SIPA1L1: variants seen among roughly 807,000 people sequenced by gnomAD.
SIPA1L1 encodes the protein signal-induced proliferation-associated 1-like protein 1.
Under a neutral mutation model 162.7 loss-of-function variants are expected in SIPA1L1, and 26 were observed. The ratio of observed to expected loss-of-function variants is 0.16; its 90% CI spans 0.12 to 0.22. SIPA1L1 has a LOEUF of 0.22. Among genes scored for constraint, SIPA1L1 ranks in the 10% least tolerant of loss-of-function variants. SIPA1L1 has a pLI of 1.00. For synonymous variants in SIPA1L1, 829 were observed against 837.4 expected, an observed-to-expected ratio of 0.99 and a Z score of 0.17; for missense variants, 1,874 against 2,241.0, an observed-to-expected ratio of 0.84 and a Z score of 3.31.
At chr14:71,410,632 A>G (rs1055937070) in intron 2 of SIPA1L1, among the ~76,000 whole-genome samples, 4 of 152,314 alleles carry the variant, frequency 2.6e-5, no homozygotes, top group Admixed American at 2.0e-4. Context: ...TCCTTTGAGC[A>G]CTAAAAGTCA....
intron 13 of SIPA1L1, among the ~76,000 whole-genome samples, chr14:71,691,407 C>T (rs1369753994): frequency 6.6e-6 from 1 of 152,034 alleles, no homozygotes; most frequent in Non-Finnish European, 1.5e-5. Flanking sequence ...GCCTGGGCAA[C>T]ATAGTGAGAC....
At chr14:71,723,339 C>T (rs2083920181) in intron 17 of SIPA1L1, among the ~76,000 whole-genome samples, 1 of 152,210 alleles carries the variant, frequency 6.6e-6, no homozygotes. Flanking sequence ...TTGCCACTGC[C>T]AGACTTCCGT....
At chr14:71,394,827 GAGA>G (rs2141410425) in intron 2 of SIPA1L1, among the ~76,000 whole-genome samples, 1 of 152,338 alleles carries the variant, frequency 6.6e-6, no homozygotes, top group Non-Finnish European at 1.5e-5. Flanking sequence ...AAGCAGTAAG[GAGA>G]AGGATAGTTA....
chr14:71,363,542 A>T (rs1463606110), intron 2 of SIPA1L1, among the ~76,000 whole-genome samples: 1 of 152,182 alleles, frequency 6.6e-6, no homozygotes, highest in East Asian at 1.9e-4. Context: ...ATTGATCATG[A>T]GGTACTGAAT....
In SIPA1L1 at chr14:71,685,526, C is replaced by A. The variant is rs1332762128; in HGVS notation, c.3269C>A (p.Thr1090Asn). 1 of 1,614,204 alleles carries A rather than the reference C, an allele frequency of 6.2e-7. No individual in the cohort carries two copies. Among genetic ancestry groups the A allele is most frequent in the African/African-American group, 1.3e-5 (1 of 75,050 alleles). ...QVPSQVQSPM[T>N]SRLNAGKGDG... ...CCGTCCCAGGTGCAGAGTCCCATGACCTCGCGGCTGAATGCTGGAAAAGGA... is the reference window on the plus strand; with the variant it reads ...CCGTCCCAGGTGCAGAGTCCCATGAACTCGCGGCTGAATGCTGGAAAAGGA... The change falls in exon 13 of 24, where the codon ACC (threonine) becomes AAC (asparagine). Residue 1090 changes from threonine to asparagine, a missense_variant. By Grantham distance (65) the Thr-to-Asn change is moderately conservative. This residue lies in a region of SIPA1L1 where 936 missense variants were observed against 1,051.9 expected (regional missense o/e 0.89). Transcript: ENST00000381232.
chr14:71,693,661 C>T (rs1048400990), intron 13 of SIPA1L1, among the ~76,000 whole-genome samples: 6 of 151,992 alleles, frequency 3.9e-5, no homozygotes, highest in African/African-American at 1.2e-4. Flanking sequence ...CAAACTACTC[C>T]GGTTATAGCA....
intron 4 of SIPA1L1, among the ~76,000 whole-genome samples, chr14:71,530,800 T>C (rs1190587050): frequency 2.6e-5 from 4 of 152,222 alleles, no homozygotes; most frequent in Admixed American, 2.6e-4. Flanking sequence ...TCTTCCCACA[T>C]AGTGTATTGT....
chr14:71,526,350 A>G (rs928710067), intron 3 of SIPA1L1, among the ~76,000 whole-genome samples: 2 of 152,002 alleles, frequency 1.3e-5, no homozygotes, highest in Non-Finnish European at 1.5e-5. Context: ...CCCAGTCTGT[A>G]TTTTCCCCTA....
intron 7 of SIPA1L1, among the ~76,000 whole-genome samples, chr14:71,632,586 C>G (rs1450337015): frequency 6.6e-6 from 1 of 152,162 alleles, no homozygotes; most frequent in Non-Finnish European, 1.5e-5. Flanking sequence ...CTCCAGCTCC[C>G]CACTGTGTGG....
intron 2 of SIPA1L1, among the ~76,000 whole-genome samples, chr14:71,447,235 A>G (rs1453245621): frequency 1.3e-5 from 2 of 151,952 alleles, no homozygotes; most frequent in Non-Finnish European, 2.9e-5. Context: ...TTATGTTAGT[A>G]TTGTAGTGAA....
At chr14:71,645,601 C>T (rs2042087073) in intron 7 of SIPA1L1, among the ~76,000 whole-genome samples, 1 of 152,176 alleles carries the variant, frequency 6.6e-6, no homozygotes, top group Non-Finnish European at 1.5e-5. Context: ...TATTTTACTG[C>T]TTCATCAAGG....
intron 7 of SIPA1L1, among the ~76,000 whole-genome samples, chr14:71,648,026 A>G (rs991076070): frequency 6.6e-6 from 1 of 152,202 alleles, no homozygotes; most frequent in Admixed American, 6.5e-5. Context: ...ACAGTGGCTC[A>G]TGCCTGTAAT....
At chr14:71,372,767 T>G (rs1263696324) in intron 2 of SIPA1L1, among the ~76,000 whole-genome samples, 1 of 152,178 alleles carries the variant, frequency 6.6e-6, no homozygotes. Context: ...GGGGTGTCTG[T>G]AATATTCAGT....
chr14:71,408,229 G>A (rs1192973158), intron 2 of SIPA1L1, among the ~76,000 whole-genome samples: 1 of 152,122 alleles, frequency 6.6e-6, no homozygotes, highest in Non-Finnish European at 1.5e-5. Context: ...TCAGATAGTA[G>A]AGTGGTATTT....
intron 10 of SIPA1L1, among the ~76,000 whole-genome samples, chr14:71,666,250 A>G (rs1344206177): frequency 6.6e-6 from 1 of 152,238 alleles, no homozygotes; most frequent in Non-Finnish European, 1.5e-5. Context: ...TACAAAAGAC[A>G]GAGGAACATG....
chr14:71,664,266 G>T (rs2043800954), intron 10 of SIPA1L1, among the ~76,000 whole-genome samples: 1 of 152,162 alleles, frequency 6.6e-6, no homozygotes, highest in African/African-American at 2.4e-5. Context: ...CTAGGGATAT[G>T]AATTTATAGG....
At chr14:71,466,005 G>A (rs887310058) in intron 2 of SIPA1L1, among the ~76,000 whole-genome samples, 2 of 152,136 alleles carry the variant, frequency 1.3e-5, no homozygotes, top group Non-Finnish European at 2.9e-5. Context: ...CCTGCCTTCC[G>A]TAGCCCACTG....
rs537673460 is a variant in SIPA1L1 at position 71,453,715 on chromosome 14, C to T, written c.-464-59028C>T. On this transcript the variant is annotated intron_variant, in intron 2 of 23. Coordinates refer to ENST00000381232, the MANE Select transcript of SIPA1L1 (RefSeq NM_001386936.1). Reference sequence around the variant, plus strand: ...ATTAGAAATCTTAGATGGAGGAGGCCGGGTGCAGTGGCTCACGCCTGTAAT... The same window carrying T: ...ATTAGAAATCTTAGATGGAGGAGGCTGGGTGCAGTGGCTCACGCCTGTAAT... Among the ~76,000 whole-genome samples the T allele has an allele frequency of 1.8e-4, 28 of 152,028 alleles. No individual in the cohort carries two copies. The South Asian group carries it at 5.6e-3, about 30-fold the overall frequency.
chr14:71,438,430 A>G (rs142721285), intron 2 of SIPA1L1, among the ~76,000 whole-genome samples: 1 of 152,258 alleles, frequency 6.6e-6, no homozygotes, highest in Non-Finnish European at 1.5e-5. Context: ...CCTGTTCTCA[A>G]AGCAAAGATC....
Sources: allele counts gnomAD v4.1 joint callset (sites outside exome capture counted in the v4.1 genomes callset), GRCh38; gene constraint gnomAD v4.1.1; regional missense constraint gnomAD v4.1.1; transcripts MANE v1.5; gene names NCBI Gene and HGNC (gene_info 2026-07-23, HGNC 2026-07-21).